VAMP2: variants seen among roughly 807,000 people sequenced by gnomAD.
VAMP2 encodes the protein vesicle associated membrane protein 2.
For missense variants in VAMP2, 95 were observed against 151.3 expected, an observed-to-expected ratio of 0.63 and a Z score of 1.95; for synonymous variants, 67 against 57.3, an observed-to-expected ratio of 1.17 and a Z score of -0.76.
rs765676773 is a variant in VAMP2, at chr17:8,162,240, C to T, written c.123+9G>A. The T allele has an allele frequency of 1.8e-5, 28 of 1,533,192 alleles. No homozygotes were observed. The highest frequency in any genetic ancestry group is 2.3e-5 in the Non-Finnish European group (26 of 1,144,932). 95.0% of individuals were successfully genotyped at this position (1,533,192 alleles called of 1,614,324 possible). A position where few individuals can be genotyped will look rare whatever the true frequency, so the allele number is the denominator to read the frequency against. Reference sequence around the variant, plus strand: ...CCCTCCTACTGCTTTTGACTCCCCCCACACTCACCTCATCCACCTGGGCCT... The same window carrying T: ...CCCTCCTACTGCTTTTGACTCCCCCTACACTCACCTCATCCACCTGGGCCT... On this transcript the variant is annotated intron_variant, in intron 2 of 4. Coordinates refer to ENST00000316509, the MANE Select transcript of VAMP2 (RefSeq NM_014232.3).
intron 1 of VAMP2, 27 bp from the exon 2 acceptor site, chr17:8,162,396 C>G (rs758283389): frequency 2.5e-5 from 40 of 1,610,276 alleles, no homozygotes; most frequent in Non-Finnish European, 3.1e-5. Flanking sequence ...GATTAAGACC[C>G]AGGGCCTGCA....
chr17:8,162,456 G>T, intron 1 of VAMP2, 87 bp from the exon 2 acceptor site: 1 of 1,562,952 alleles, frequency 6.4e-7, no homozygotes, highest in South Asian at 1.2e-5. Flanking sequence ...GTCCATCCTC[G>T]TCCCTCCAGT....
rs889904574 is a variant in VAMP2, at chr17:8,160,387, T to G, written c.*468A>C. 2 of 126,056 alleles carry G rather than the reference T, an allele frequency of 1.6e-5. No individual in the cohort carries two copies. The highest frequency in any genetic ancestry group is 3.4e-5 in the Non-Finnish European group (2 of 59,214). 7.8% of individuals were successfully genotyped at this position (126,056 alleles called of 1,614,324 possible). A position where few individuals can be genotyped will look rare whatever the true frequency, so the allele number is the denominator to read the frequency against. On this transcript the variant is annotated 3_prime_UTR_variant, in exon 5 of 5. Coordinates refer to ENST00000316509, the MANE Select transcript of VAMP2 (RefSeq NM_014232.3). ...GCCTGGACAGGTGCTGTTGTTTTTT[T>G]TTTTTTTTTTTTTTTTTTGAGGGCG... is the stretch of plus-strand genomic sequence containing the variant.
At chr17:8,162,564 C>T (rs1252470501) in intron 1 of VAMP2, 195 bp from the exon 2 acceptor site, 23 of 1,461,658 alleles carry the variant, frequency 1.6e-5, no homozygotes, top group Non-Finnish European at 2.1e-5. Flanking sequence ...CCCCCCCGGC[C>T]TCAGTTTCCC....
chr17:8,161,239 C>CA (rs1435421451), intron 4 of VAMP2: 1 of 646,646 alleles, frequency 1.5e-6, no homozygotes, highest in African/African-American at 1.8e-5. Context: ...AAAGGGTCCT[C>CA]AATGGATACA....
chr17:8,161,633 C>T lies in VAMP2; in HGVS notation c.257G>A (p.Arg86His). The change falls in exon 3 of 5, where the codon CGC (arginine) becomes CAC (histidine). Residue 86 changes from arginine (R) to histidine (H), a missense_variant. Coordinates refer to ENST00000316509, the MANE Select transcript of VAMP2 (RefSeq NM_014232.3). ...QFETSAAKLK[R>H]KYWWKNLKMM... ...CTTGAGGTTTTTCCACCAGTATTTG[C>T]GCTTGAGCTTGGCTGCGCTTGTTTC... is the stretch of plus-strand genomic sequence containing the variant. 1.2e-6 allele frequency: 2 copies of T among 1,614,164 alleles called. No homozygotes were observed. The highest frequency in any genetic ancestry group is 8.5e-7 in the Non-Finnish European group (1 of 1,180,008).
chr17:8,161,749 C>T lies in VAMP2; in HGVS notation c.141G>A (p.Arg47=). 1 of 1,613,518 alleles carries T rather than the reference C, an allele frequency of 6.2e-7. No homozygotes were observed. Among genetic ancestry groups the T allele is most frequent in the Non-Finnish European group, 8.5e-7 (1 of 1,179,488 alleles). The part of the protein sequence containing the change: ...AQVDEVVDIM[R]VNVDKVLERD... Reference sequence around the variant, plus strand: ...GCTCCAGGACCTTGTCCACGTTCACCCTCATGATGTCCACCACCTGGGAGA... The same window carrying T: ...GCTCCAGGACCTTGTCCACGTTCACTCTCATGATGTCCACCACCTGGGAGA... Residue 47 remains arginine (R), a synonymous_variant, in exon 3 of 5, where the codon AGG becomes AGA. Coordinates refer to ENST00000316509, the MANE Select transcript of VAMP2 (RefSeq NM_014232.3).
In VAMP2 at chr17:8,160,375, CTGT is replaced by C. The variant is rs1339743302; in HGVS notation, c.*477_*479del. On this transcript the variant is annotated 3_prime_UTR_variant, in exon 5 of 5. Coordinates refer to ENST00000316509, the MANE Select transcript of VAMP2 (RefSeq NM_014232.3). ...GTACCTAAGGAAGCCTGGACAGGTG[CTGT>C]TGTTTTTTTTTTTTTTTTTTTTTTT... The C allele has an allele frequency of 0.024, 1,104 of 46,526 alleles. 20 individuals are homozygous for C. Among genetic ancestry groups the C allele is most frequent in the Non-Finnish European group, 0.033 (718 of 21,502 alleles). The allele number at this position is 46,526 out of a possible 1,614,324, so 2.9% of individuals were successfully genotyped here. A position where few individuals can be genotyped will look rare whatever the true frequency, so the allele number is the denominator to read the frequency against.
chr17:8,161,233 G>A, intron 4 of VAMP2: 1 of 624,054 alleles, frequency 1.6e-6, no homozygotes, highest in South Asian at 2.1e-5. Context: ...AGGCCTAAAG[G>A]GTCCTCAATG....
chr17:8,160,834 C>T lies in VAMP2; in HGVS notation c.*21G>A. The stretch of plus-strand genomic sequence containing the variant: ...GTTGGGGGAGAGGCCCTTCTCTAGG[C>T]AGGGCAGACTCCTCGGGGATTTAAG... On this transcript the variant is annotated 3_prime_UTR_variant, in exon 5 of 5. Transcript: ENST00000316509. The T allele has an allele frequency of 6.2e-7, 1 of 1,607,822 alleles. No homozygotes were observed. Among genetic ancestry groups the T allele is most frequent in the Non-Finnish European group, 8.5e-7 (1 of 1,176,564 alleles).
chr17:8,162,146 C>T (rs886562940), intron 2 of VAMP2, 103 bp downstream of exon 2: 40 of 1,468,674 alleles, frequency 2.7e-5, no homozygotes, highest in Non-Finnish European at 3.4e-5. Flanking sequence ...TCCGCAAACC[C>T]ACAGGCGTGA....
intron 1 of VAMP2, 58 bp from the exon 2 acceptor site, chr17:8,162,427 G>A (rs1983344733): frequency 1.3e-6 from 2 of 1,593,016 alleles, no homozygotes; most frequent in Non-Finnish European, 1.7e-6. Context: ...CCCGCAGCCA[G>A]GGCTCCGCCC....
rs1983261446 is a variant in VAMP2, at chr17:8,160,380, G to GTTTTTTTTTTTTTTTTTTTTTC, written c.*474_*475insGAAAAAAAAAAAAAAAAAAAAA. On this transcript the variant is annotated 3_prime_UTR_variant, in exon 5 of 5. Transcript: ENST00000316509. Reference sequence around the variant, plus strand: ...TAAGGAAGCCTGGACAGGTGCTGTTGTTTTTTTTTTTTTTTTTTTTTTTTT... The same window carrying GTTTTTTTTTTTTTTTTTTTTTC: ...TAAGGAAGCCTGGACAGGTGCTGTTGTTTTTTTTTTTTTTTTTTTTTCTTTTTTTTTTTTTTTTTTTTTTTTT... The GTTTTTTTTTTTTTTTTTTTTTC allele has an allele frequency of 2.8e-5, 1 of 35,108 alleles. No homozygotes were observed. The highest frequency in any genetic ancestry group is 5.0e-5 in the Non-Finnish European group (1 of 20,096). 2.2% of individuals were successfully genotyped at this position (35,108 alleles called of 1,614,324 possible).
rs1291000994 is a variant in VAMP2, at chr17:8,160,762, G to GA, written c.*92dup. ...GACACACACACACACGGATCCAGGG[G>GA]AGTGGGGGCTGAAAGATATGGCTGA... On this transcript the variant is annotated 3_prime_UTR_variant, in exon 5 of 5. Transcript: ENST00000316509. 8 of 1,363,748 alleles carry GA rather than the reference G, an allele frequency of 5.9e-6. No individual in the cohort carries two copies. Among genetic ancestry groups the GA allele is most frequent in the Admixed American group, 3.9e-5 (2 of 51,864 alleles). 84.5% of individuals were successfully genotyped at this position (1,363,748 alleles called of 1,614,324 possible). A position where few individuals can be genotyped will look rare whatever the true frequency, so the allele number is the denominator to read the frequency against.
At chr17:8,161,033 C>T (rs2151865204) in intron 4 of VAMP2, 162 bp from the exon 5 acceptor site, 3 of 612,358 alleles carry the variant, frequency 4.9e-6, no homozygotes, top group East Asian at 5.7e-5. Flanking sequence ...AAGCAAGGGG[C>T]TAGACAGGTA....
In VAMP2 at chr17:8,162,537, C is replaced by A. The variant is rs534237719; in HGVS notation, c.3-168G>T. On this transcript the variant is annotated intron_variant, in intron 1 of 4. Coordinates refer to ENST00000316509, the MANE Select transcript of VAMP2 (RefSeq NM_014232.3). ...GTCCAGCCCTGCCGCCGATGAGCTG[C>A]GTGACCTTGAGCGAGGCCCCCCCGG... The A allele has an allele frequency of 1.3e-5, 19 of 1,500,692 alleles. No homozygotes were observed. In the African/African-American group the frequency reaches 2.0e-4, roughly 16 times the overall value. 93.0% of individuals were successfully genotyped at this position (1,500,692 alleles called of 1,614,324 possible). A position where few individuals can be genotyped will look rare whatever the true frequency, so the allele number is the denominator to read the frequency against.
rs1210361104 is a variant in VAMP2, at chr17:8,160,106, G to T, written c.*749C>A. ...GCAGCCTGGTTCCCCAAAAGCCCAG[G>T]CTCCCCACCACCTGCGAGTAATGTC... On this transcript the variant is annotated 3_prime_UTR_variant, in exon 5 of 5. Coordinates refer to ENST00000316509, the MANE Select transcript of VAMP2 (RefSeq NM_014232.3). The T allele has an allele frequency of 6.6e-6, 1 of 152,200 alleles. No individual in the cohort carries two copies. The highest frequency in any genetic ancestry group is 1.5e-5 in the Non-Finnish European group (1 of 68,058). 9.4% of individuals were successfully genotyped at this position (152,200 alleles called of 1,614,324 possible). A position where few individuals can be genotyped will look rare whatever the true frequency, so the allele number is the denominator to read the frequency against.
At position 8,160,736 on chromosome 17, in the gene VAMP2, G is replaced by T; in HGVS notation, c.*119C>A. 2 of 912,180 alleles carry T rather than the reference G, an allele frequency of 2.2e-6. No individual in the cohort carries two copies. The allele number at this position is 912,180 out of a possible 1,614,324, so 56.5% of individuals were successfully genotyped here. On this transcript the variant is annotated 3_prime_UTR_variant, in exon 5 of 5. Coordinates refer to ENST00000316509, the MANE Select transcript of VAMP2 (RefSeq NM_014232.3). ...GCTATTTACAGGGGGACACACACAC[G>T]GACACACACACACACGGATCCAGGG...
Position 8,160,830 on chromosome 17 carries a change from T to C in VAMP2, c.*25A>G, listed in dbSNP as rs748294427. The C allele has an allele frequency of 1.2e-5, 20 of 1,606,022 alleles. 1 individual carries two copies. The South Asian group carries it at 1.3e-4, about 11-fold the overall frequency. ...GAGGGTTGGGGGAGAGGCCCTTCTCTAGGCAGGGCAGACTCCTCGGGGATT... is the reference window on the plus strand; with the variant it reads ...GAGGGTTGGGGGAGAGGCCCTTCTCCAGGCAGGGCAGACTCCTCGGGGATT... On this transcript the variant is annotated 3_prime_UTR_variant, in exon 5 of 5. Coordinates refer to ENST00000316509, the MANE Select transcript of VAMP2 (RefSeq NM_014232.3).
Sources: allele counts gnomAD v4.1 joint callset, GRCh38; gene constraint gnomAD v4.1.1; transcripts MANE v1.5; gene names NCBI Gene and HGNC (gene_info 2026-07-23, HGNC 2026-07-21).